The following KMT2A variants were observed in gnomAD, a reference collection of about 807,000 sequenced individuals.
KMT2A encodes histone-lysine N-methyltransferase 2A.
Under a neutral mutation model 345.3 loss-of-function variants are expected in KMT2A, and 16 were observed. The ratio of observed to expected loss-of-function variants is 0.05; its 90% CI spans 0.03 to 0.07. The LOEUF is 0.07. Ranked by LOEUF, KMT2A falls within the 10% of genes least tolerant of loss-of-function variation. The pLI is 1.00. For synonymous variants in KMT2A, 1,599 were observed against 1,778.6 expected (o/e 0.90, Z 2.54); for missense variants, 3,272 against 4,841.6 (o/e 0.68, Z 9.62).
chr11:118,525,620 A>G lies in KMT2A; in HGVS notation c.*3448A>G. ...AAAAAAAATAAAAAATAAAAAAAAA[A>G]GGAAAAAAAAATACAACACACACAC... On this transcript the variant is annotated 3_prime_UTR_variant, in exon 36 of 36. Transcript: ENST00000534358. 1.8e-5 allele frequency: 4 copies of G among 226,832 alleles called. No homozygotes were observed. The highest frequency in any genetic ancestry group is 2.6e-5 in the Non-Finnish European group (3 of 114,144). 14.1% of individuals were successfully genotyped at this position (226,832 alleles called of 1,614,324 possible).
At chr11:118,478,811 A>C (rs1555038372) in intron 5 of KMT2A, among the ~76,000 whole-genome samples, 1 of 152,056 alleles carries the variant, frequency 6.6e-6, no homozygotes, top group Non-Finnish European at 1.5e-5. Context: ...GCTGGAGTGC[A>C]GTGACATGAT....
In KMT2A at chr11:118,496,304, C is replaced by G. The variant is rs1555043929; in HGVS notation, c.5601C>G (p.Pro1867=). The change falls in exon 20 of 36, where the codon CCC becomes CCG. Residue 1867 remains proline, a synonymous_variant. Coordinates refer to ENST00000534358, the MANE Select transcript of KMT2A (RefSeq NM_001197104.2). The surrounding 1 kb of genome is among the most constrained non-coding windows in gnomAD (Gnocchi z 4.7). ...SREDSPELNP[P]PGIEDNRQCA... ...AAGACAGTCCAGAGCTGAACCCACC[C>G]CCAGGCATAGAAGACAATAGACAGT... The G allele has an allele frequency of 6.2e-7, 1 of 1,613,834 alleles. No homozygotes were observed.
At position 118,449,777 on chromosome 11, in the gene KMT2A, A is replaced by G. The variant is rs553370409; in HGVS notation, c.432+12833A>G. On this transcript the variant is annotated intron_variant, in intron 1 of 35. Transcript: ENST00000534358. ...TTGTGGATTCCTCAGTCTTACTCCC[A>G]TTACTATTGGTCATTCAACAGCCCA... The G allele has an allele frequency of 3.3e-5, 5 of 152,262 alleles. No individual in the cohort carries two copies. The South Asian group carries it at 1.0e-3, about 32-fold the overall frequency. The allele number at this position is 152,262 out of a possible 1,614,324, so 9.4% of individuals were successfully genotyped here.
At position 118,521,832 on chromosome 11, in the gene KMT2A, G is replaced by A. The variant is rs918988525; in HGVS notation, c.11644-65G>A. ...ATAGGTAACATCAAGAGAAGATTGG[G>A]ACATGTTCTTAAAGCTGAGTTTATA... On this transcript the variant is annotated intron_variant, in intron 35 of 35. Coordinates refer to ENST00000534358, the MANE Select transcript of KMT2A (RefSeq NM_001197104.2). The surrounding 1 kb of genome is among the most constrained non-coding windows in gnomAD (Gnocchi z 5.3). The A allele has an allele frequency of 1.9e-5, 29 of 1,530,654 alleles. 1 individual carries two copies. The South Asian group carries it at 2.9e-4, about 15-fold the overall frequency. 94.8% of individuals were successfully genotyped at this position (1,530,654 alleles called of 1,614,324 possible). A position where few individuals can be genotyped will look rare whatever the true frequency, so the allele number is the denominator to read the frequency against.
In KMT2A at chr11:118,526,071, T is replaced by C; in HGVS notation, c.*3899T>C. ...CTTTTAATTCTCTTAACACTATAGATAAGGATTGTGTTACAGTTGCTAGTA... is the reference window on the plus strand; with the variant it reads ...CTTTTAATTCTCTTAACACTATAGACAAGGATTGTGTTACAGTTGCTAGTA... On this transcript the variant is annotated 3_prime_UTR_variant, in exon 36 of 36. Transcript: ENST00000534358. The C allele has an allele frequency of 4.6e-6, 1 of 218,812 alleles. No individual in the cohort carries two copies. The highest frequency in any genetic ancestry group is 6.8e-5 in the East Asian group (1 of 14,754). 13.6% of individuals were successfully genotyped at this position (218,812 alleles called of 1,614,324 possible). A position where few individuals can be genotyped will look rare whatever the true frequency, so the allele number is the denominator to read the frequency against.
At chr11:118,483,234 A>C (rs1328912726) in intron 8 of KMT2A, among the ~76,000 whole-genome samples, 251 of 126,476 alleles carry the variant, frequency 2.0e-3, no homozygotes, top group African/African-American at 6.3e-3. Context: ...CTCCATCCCA[A>C]AAAAAAAAAA....
In KMT2A at chr11:118,473,419, T is replaced by A; in HGVS notation, c.2260T>A (p.Ser754Thr). 6.2e-7 allele frequency: 1 copy of A among 1,614,178 alleles called. No individual in the cohort carries two copies. The highest frequency in any genetic ancestry group is 8.5e-7 in the Non-Finnish European group (1 of 1,180,018). ...ATCTGAACCAAGATCTCCTTCTCAC[T>A]CCATGAGGACAAGAAGTGGAAGGCT... Reference protein sequence around the residue: ...IRSEPRSPSHSMRTRSGRLSS... With the variant: ...IRSEPRSPSHTMRTRSGRLSS... The change falls in exon 3 of 36, where the codon TCC becomes ACC. Residue 754 changes from serine (S) to threonine (T), a missense_variant. Coordinates refer to ENST00000534358, the MANE Select transcript of KMT2A (RefSeq NM_001197104.2). The surrounding 1 kb of genome is among the most constrained non-coding windows in gnomAD (Gnocchi z 5.2).
Position 118,494,872 on chromosome 11 carries a change from G to C in KMT2A, c.5363+105G>C. The C allele has an allele frequency of 1.2e-6, 1 of 859,156 alleles. No individual in the cohort carries two copies. The highest frequency in any genetic ancestry group is 1.9e-6 in the Non-Finnish European group (1 of 530,616). 53.2% of individuals were successfully genotyped at this position (859,156 alleles called of 1,614,324 possible). ...TCCAAAAGGTTTTAATACTAGAAAT[G>C]AATTGGTTGAAATGCCTTTTCGGTG... On this transcript the variant is annotated intron_variant, in intron 18 of 35. Coordinates refer to ENST00000534358, the MANE Select transcript of KMT2A (RefSeq NM_001197104.2). This position sits in a 1 kb window ranked among gnomAD's most constrained non-coding sequence, Gnocchi z 5.8.
At chr11:118,480,284 T>G in intron 6 of KMT2A, 46 bp downstream of exon 6, 1 of 1,465,088 alleles carries the variant, frequency 6.8e-7, no homozygotes, top group Non-Finnish European at 9.6e-7. Context: ...CTTGCTTAAA[T>G]GGTGTATAGT....
In KMT2A at chr11:118,510,445, C is replaced by A. The variant is rs544808283; in HGVS notation, c.11071+327C>A. 6.6e-6 allele frequency among the ~76,000 whole-genome samples: 1 copy of A among 152,096 alleles called. No individual in the cohort carries two copies. The highest frequency in any genetic ancestry group is 2.4e-5 in the African/African-American group (1 of 41,396). ...GTGCCCTTCTCTCTCCCTTGTGTGC[C>A]TTCACACGTGCTTTCTCCTCTGCCT... On this transcript the variant is annotated intron_variant, in intron 30 of 35. Transcript: ENST00000534358. The surrounding 1 kb of genome is among the most constrained non-coding windows in gnomAD (Gnocchi z 4.1).
chr11:118,468,699 C>T (rs1346626320), intron 1 of KMT2A, 76 bp from the exon 2 acceptor site: 1 of 1,118,414 alleles, frequency 8.9e-7, no homozygotes, highest in Non-Finnish European at 1.4e-6. Flanking sequence ...TTTGTGTCTC[C>T]TCTGGGCATT....
In KMT2A at chr11:118,436,828, C is replaced by G; in HGVS notation, c.316C>G (p.Leu106Val). Residue 106 changes from leucine (L) to valine (V), a missense_variant, in exon 1 of 36, where the codon CTC becomes GTC. Around this residue, in one of 27 missense-constraint regions of KMT2A, gnomAD observed 412 missense variants for 511.0 expected, o/e 0.81. Coordinates refer to ENST00000534358, the MANE Select transcript of KMT2A (RefSeq NM_001197104.2). This position sits in a 1 kb window ranked among gnomAD's most constrained non-coding sequence, Gnocchi z 6.9. ...SSSASSGPAL[L>V]RVGPGFDAAL... ...CTCAGCCTCTTCAGGGCCGGCCCTG[C>G]TCCGGGTGGGCCCGGGCTTCGACGC... 1 of 1,607,806 alleles carries G rather than the reference C, an allele frequency of 6.2e-7. No individual in the cohort carries two copies. The highest frequency in any genetic ancestry group is 8.5e-7 in the Non-Finnish European group (1 of 1,177,566).
At chr11:118,456,626 C>T (rs537408474) in intron 1 of KMT2A, among the ~76,000 whole-genome samples, 2 of 152,316 alleles carry the variant, frequency 1.3e-5, no homozygotes, top group South Asian at 4.1e-4. Flanking sequence ...GCATGAGCCG[C>T]CGCGCCTGGC....
chr11:118,436,924 G>A lies in KMT2A; in HGVS notation c.412G>A (p.Gly138Arg), dbSNP rs782080138. The change falls in exon 1 of 36, where the codon GGG becomes AGG. Residue 138 changes from glycine to arginine, a missense_variant. Coordinates refer to ENST00000534358, the MANE Select transcript of KMT2A (RefSeq NM_001197104.2). This position sits in a 1 kb window ranked among gnomAD's most constrained non-coding sequence, Gnocchi z 6.9. ...RFRAVFGESG[G>R]GGGSGEDEQF... ...CCGGGCCGTGTTTGGGGAGAGCGGC[G>A]GGGGAGGCGGCAGCGGAGAGGTAAG... 3.9e-6 allele frequency: 6 copies of A among 1,547,642 alleles called. No homozygotes were observed. In the African/African-American group the frequency reaches 6.9e-5, roughly 18 times the overall value.
rs1950321654 is a variant in KMT2A at position 118,491,355 on chromosome 11, G to A, written c.4819+37G>A. 6.3e-7 allele frequency: 1 copy of A among 1,599,758 alleles called. No individual in the cohort carries two copies. The highest frequency in any genetic ancestry group is 8.5e-7 in the Non-Finnish European group (1 of 1,171,918). ...TTTATTTCAGTTTTCTTCTTTCTAG[G>A]TACTACTACATTTATTAGCCTCTAG... On this transcript the variant is annotated intron_variant, in intron 14 of 35. Coordinates refer to ENST00000534358, the MANE Select transcript of KMT2A (RefSeq NM_001197104.2). The surrounding 1 kb of genome is among the most constrained non-coding windows in gnomAD (Gnocchi z 4.2).
At chr11:118,475,374 C>T (rs1323100050) in intron 3 of KMT2A, among the ~76,000 whole-genome samples, 1 of 151,974 alleles carries the variant, frequency 6.6e-6, no homozygotes, top group African/African-American at 2.4e-5. Flanking sequence ...GTAGTAGATG[C>T]CTATTTATGG....
At chr11:118,507,876 G>T (rs918393613) in intron 28 of KMT2A, 38 of 338,660 alleles carry the variant, frequency 1.1e-4, no homozygotes, top group East Asian at 4.0e-4. Context: ...GGCAGGAGAA[G>T]GGCGTGAACC....
Position 118,494,463 on chromosome 11 carries a change from T to C in KMT2A, c.5289+65T>C. The stretch of plus-strand genomic sequence containing the variant: ...ATAAGTAATTACCCTGTGAATACAA[T>C]GAACTTGTTCTCTTCTACTTTTTGC... On this transcript the variant is annotated intron_variant, in intron 17 of 35. Transcript: ENST00000534358. The surrounding 1 kb of genome is among the most constrained non-coding windows in gnomAD (Gnocchi z 5.8). The C allele has an allele frequency of 1.1e-6, 1 of 943,918 alleles. No homozygotes were observed. The highest frequency in any genetic ancestry group is 1.7e-6 in the Non-Finnish European group (1 of 589,312). The allele number at this position is 943,918 out of a possible 1,614,324, so 58.5% of individuals were successfully genotyped here.
At chr11:118,437,618 C>T (rs1361276448) in intron 1 of KMT2A, among the ~76,000 whole-genome samples, 1 of 150,916 alleles carries the variant, frequency 6.6e-6, no homozygotes, top group Non-Finnish European at 1.5e-5. Flanking sequence ...TGCACCTTGC[C>T]TGGTCTCACC....
Sources: allele counts gnomAD v4.1 joint callset (sites outside exome capture counted in the v4.1 genomes callset), GRCh38; gene constraint gnomAD v4.1.1; regional missense constraint gnomAD v4.1.1; non-coding constraint Gnocchi (gnomAD v3.1); transcripts MANE v1.5; gene names NCBI Gene and HGNC (gene_info 2026-07-23, HGNC 2026-07-21).